Variants in RTN1 observed in about 807,000 individuals in gnomAD.
The protein encoded by RTN1 is reticulon-1.
Under a neutral mutation model 65.5 loss-of-function variants are expected in RTN1, and 25 were observed. That is an observed-to-expected ratio of 0.38 (90% CI 0.28 to 0.53). RTN1 has a LOEUF of 0.53. Ranked by LOEUF, RTN1 falls within the 20% of genes least tolerant of loss-of-function variation. The pLI is 0.79. For missense variants in RTN1, 983 were observed against 1,025.4 expected, an observed-to-expected ratio of 0.96 and a Z score of 0.57; for synonymous variants, 471 against 447.6, an observed-to-expected ratio of 1.05 and a Z score of -0.66.
intron 3 of RTN1, among the ~76,000 whole-genome samples, chr14:59,690,306 G>T (rs1243830761): frequency 6.7e-6 from 1 of 148,514 alleles, no homozygotes; most frequent in Admixed American, 6.6e-5. Flanking sequence ...AGCGGAGGTG[G>T]GGGGGGGTCA....
Position 59,870,284 on chromosome 14 carries a change from A to G in RTN1, c.241+106T>C, listed in dbSNP as rs776544686. 2.5e-6 allele frequency: 3 copies of G among 1,195,450 alleles called. No homozygotes were observed. Among genetic ancestry groups the G allele is most frequent in the Non-Finnish European group, 3.2e-6 (3 of 931,412 alleles). The allele number at this position is 1,195,450 out of a possible 1,614,324, so 74.1% of individuals were successfully genotyped here. ...CGACGCGGGGGTGGGGTCGGCGCTC[A>G]AGGCAGAAAGCGCGAGGCAGGTGCC... On this transcript the variant is annotated intron_variant, in intron 1 of 8. Transcript: ENST00000267484. This position sits in a 1 kb window ranked among gnomAD's most constrained non-coding sequence, Gnocchi z 5.1.
At chr14:59,685,095 G>C (rs150419627) in intron 3 of RTN1, among the ~76,000 whole-genome samples, 1 of 152,128 alleles carries the variant, frequency 6.6e-6, no homozygotes, top group African/African-American at 2.4e-5. Flanking sequence ...AATTTTAGTA[G>C]ATGCAGAAAA....
At chr14:59,725,800 AT>A (rs1884745335) in intron 3 of RTN1, among the ~76,000 whole-genome samples, 1 of 152,232 alleles carries the variant, frequency 6.6e-6, no homozygotes, top group Non-Finnish European at 1.5e-5. Context: ...AACGAGAAAG[AT>A]TTTGTCCTCT....
At chr14:59,600,147 C>T (rs115912759) in intron 8 of RTN1, among the ~76,000 whole-genome samples, 5,215 of 152,100 alleles carry the variant, frequency 0.034, 293 homozygotes, top group African/African-American at 0.12. Context: ...AAAGGTGAAA[C>T]GACCTAGACA....
chr14:59,669,580 A>G (rs993041461), intron 3 of RTN1, among the ~76,000 whole-genome samples: 1 of 152,138 alleles, frequency 6.6e-6, no homozygotes, highest in African/African-American at 2.4e-5. Context: ...TGTTGTGCAT[A>G]TGTACCCTAG....
intron 1 of RTN1, among the ~76,000 whole-genome samples, chr14:59,750,449 T>A (rs1406624079): frequency 3.9e-4 from 25 of 64,026 alleles, no homozygotes; most frequent in African/African-American, 1.4e-3. Context: ...ATAATATATC[T>A]ATAATATATA....
rs547552348 is a variant in RTN1, at chr14:59,772,849, C to T, written c.242-26368G>A. ...CATTTTAGAGGTGGGAAATTTAGAG[C>T]TTAGAAAAAATTAAATGATGTAATA... On this transcript the variant is annotated intron_variant, in intron 1 of 8. Coordinates refer to ENST00000267484, the MANE Select transcript of RTN1 (RefSeq NM_021136.3). Among the ~76,000 whole-genome samples, 161 of 152,090 alleles carry T rather than the reference C, an allele frequency of 1.1e-3. 1 individual carries two copies. Among genetic ancestry groups the T allele is most frequent in the African/African-American group, 3.7e-3 (155 of 41,510 alleles).
intron 3 of RTN1, among the ~76,000 whole-genome samples, chr14:59,623,885 T>C (rs1035682758): frequency 6.6e-6 from 1 of 152,100 alleles, no homozygotes; most frequent in Admixed American, 6.5e-5. Context: ...TAAAATATTA[T>C]GTTCTTCTTG....
At chr14:59,781,356 T>A (rs986940101) in intron 1 of RTN1, among the ~76,000 whole-genome samples, 2 of 152,054 alleles carry the variant, frequency 1.3e-5, no homozygotes, top group African/African-American at 4.8e-5. Flanking sequence ...ATTGACTGTT[T>A]ATGTTCCACT....
intron 2 of RTN1, among the ~76,000 whole-genome samples, chr14:59,743,250 T>C (rs1885149215): frequency 6.6e-6 from 1 of 151,140 alleles, no homozygotes; most frequent in Non-Finnish European, 1.5e-5. Flanking sequence ...TACTTAAAAA[T>C]GGAAATTCCC....
intron 5 of RTN1, chr14:59,604,196 C>T (rs1021518057): frequency 2.3e-5 from 5 of 216,128 alleles, no homozygotes; most frequent in African/African-American, 6.8e-5. Flanking sequence ...TTTGCATAGG[C>T]CCACGAGTTA....
intron 3 of RTN1, among the ~76,000 whole-genome samples, chr14:59,632,203 C>T (rs207474893): frequency 1.3e-5 from 2 of 152,078 alleles, no homozygotes; most frequent in Non-Finnish European, 2.9e-5. Context: ...GTCAGAGCTC[C>T]CACAGGGCTG....
chr14:59,739,310 C>T (rs1473180236), intron 2 of RTN1, among the ~76,000 whole-genome samples: 9 of 151,984 alleles, frequency 5.9e-5, no homozygotes, highest in Non-Finnish European at 1.2e-4. Flanking sequence ...CACCTGAGGC[C>T]AGGAGTTCGG....
chr14:59,806,871 T>C (rs1566733392), intron 1 of RTN1, among the ~76,000 whole-genome samples: 2 of 152,256 alleles, frequency 1.3e-5, no homozygotes, highest in Non-Finnish European at 2.9e-5. Context: ...CTACCATTAA[T>C]GGGCAATTAG....
At chr14:59,828,765 C>T (rs1339209352) in intron 1 of RTN1, among the ~76,000 whole-genome samples, 1 of 151,942 alleles carries the variant, frequency 6.6e-6, no homozygotes, top group South Asian at 2.1e-4. Flanking sequence ...TAGATGGCTA[C>T]GAAAATCTCA....
intron 1 of RTN1, among the ~76,000 whole-genome samples, chr14:59,764,316 A>G (rs1401586071): frequency 6.6e-6 from 1 of 151,904 alleles, no homozygotes; most frequent in Non-Finnish European, 1.5e-5. Context: ...GCATTTGTGA[A>G]GTGCTACTTT....
chr14:59,812,401 C>T (rs1030528817), intron 1 of RTN1, among the ~76,000 whole-genome samples: 3 of 152,228 alleles, frequency 2.0e-5, no homozygotes, highest in African/African-American at 7.2e-5. Flanking sequence ...AAACTTGGCA[C>T]TGTACCTTGA....
At chr14:59,814,091 A>G (rs1377070368) in intron 1 of RTN1, among the ~76,000 whole-genome samples, 3 of 152,184 alleles carry the variant, frequency 2.0e-5, no homozygotes, top group Admixed American at 1.3e-4. Context: ...ACAAAGCCTT[A>G]TTTGACTTAT....
chr14:59,619,536 G>A (rs563030582), intron 3 of RTN1, among the ~76,000 whole-genome samples: 21 of 152,258 alleles, frequency 1.4e-4, no homozygotes, highest in Middle Eastern at 3.4e-3. Context: ...CATTGGAAGT[G>A]CAGGGCTAAA....
Sources: gnomAD v4.1 joint callset for allele counts (sites outside exome capture counted in the v4.1 genomes callset) on GRCh38, gnomAD v4.1.1 for gene constraint, Gnocchi (gnomAD v3.1) non-coding constraint, MANE v1.5 for transcripts, NCBI Gene and HGNC (gene_info 2026-07-23, HGNC 2026-07-21) for gene names.